SYT11: variants seen among roughly 807,000 people sequenced by gnomAD.
The protein encoded by SYT11 is synaptotagmin 11.
Under a neutral mutation model 30.4 loss-of-function variants are expected in SYT11, and 12 were observed. The ratio of observed to expected loss-of-function variants is 0.39; its 90% CI spans 0.25 to 0.64. The LOEUF is 0.64. SYT11 is among the 30% of genes least tolerant of loss of function. The probability of loss-of-function intolerance (pLI) is 0.45; values close to 1 mark genes in which losing one functional copy is unlikely to be tolerated. For missense variants in SYT11, 412 were observed against 552.0 expected, an observed-to-expected ratio of 0.75 and a Z score of 2.54; for synonymous variants, 204 against 216.0, an observed-to-expected ratio of 0.94 and a Z score of 0.49.
chr1:155,879,356 G>A (rs1388741652), intron 2 of SYT11, among the ~76,000 whole-genome samples: 1 of 152,144 alleles, frequency 6.6e-6, no homozygotes, highest in Non-Finnish European at 1.5e-5. Context: ...GGCAGAGGTT[G>A]CAGTGAGCCG....
chr1:155,874,096 A>T (rs1466813739), intron 2 of SYT11, among the ~76,000 whole-genome samples: 2 of 151,794 alleles, frequency 1.3e-5, no homozygotes, highest in African/African-American at 4.8e-5. Context: ...CACTCAGGAG[A>T]TCAAGACCAG....
At chr1:155,864,708 C>CTTTT (rs773089384) in intron 1 of SYT11, among the ~76,000 whole-genome samples, 34 of 128,274 alleles carry the variant, frequency 2.7e-4, no homozygotes, top group South Asian at 7.4e-4. Flanking sequence ...TGACTCAATC[C>CTTTT]TTTTTTTTTT....
intron 1 of SYT11, among the ~76,000 whole-genome samples, chr1:155,862,846 T>C (rs1416906437): frequency 1.3e-5 from 2 of 152,228 alleles, no homozygotes; most frequent in South Asian, 2.1e-4. Context: ...AAGCACCTGA[T>C]TGATGAATGG....
chr1:155,865,525 G>A (rs1366143284), intron 1 of SYT11, among the ~76,000 whole-genome samples: 1 of 152,012 alleles, frequency 6.6e-6, no homozygotes, highest in African/African-American at 2.4e-5. Context: ...CTACTCGGGA[G>A]GCTGAGGCAG....
chr1:155,863,866 A>C (rs1199354756), intron 1 of SYT11, among the ~76,000 whole-genome samples: 1 of 149,408 alleles, frequency 6.7e-6, no homozygotes, highest in Non-Finnish European at 1.5e-5. Flanking sequence ...GGTTGCAGTG[A>C]GCCGAGATCG....
At chr1:155,875,452 G>A (rs1361584272) in intron 2 of SYT11, among the ~76,000 whole-genome samples, 4 of 151,450 alleles carry the variant, frequency 2.6e-5, no homozygotes. Context: ...CGCCCAGGCT[G>A]GAGTGCAGTG....
At chr1:155,863,887 C>T (rs940174200) in intron 1 of SYT11, among the ~76,000 whole-genome samples, 6 of 151,160 alleles carry the variant, frequency 4.0e-5, no homozygotes, top group African/African-American at 1.5e-4. Context: ...CGCCATTGCA[C>T]TCAAGTCTGG....
chr1:155,868,479 G>T lies in SYT11; in HGVS notation c.549G>T (p.Gly183=). Residue 183 remains glycine, a synonymous_variant, in exon 2 of 4, where the codon GGG becomes GGT. Coordinates refer to ENST00000368324, the MANE Select transcript of SYT11 (RefSeq NM_152280.5). The surrounding 1 kb of genome is among the most constrained non-coding windows in gnomAD (Gnocchi z 4.7). ...TGGTGACAATCCAGGAGGCCCATGG[G>T]CTGCCAGTGATGGATGACCAGACCC... ...ALVVTIQEAH[G]LPVMDDQTQG... 1 of 1,614,100 alleles carries T rather than the reference G, an allele frequency of 6.2e-7. No individual in the cohort carries two copies. Among genetic ancestry groups the T allele is most frequent in the Non-Finnish European group, 8.5e-7 (1 of 1,180,008 alleles).
Position 155,874,150 on chromosome 1 carries a change from G to A in SYT11, c.861+5359G>A, listed in dbSNP as rs553612427. 2.8e-4 allele frequency among the ~76,000 whole-genome samples: 42 copies of A among 151,966 alleles called. 1 individual carries two copies. In the South Asian group the frequency reaches 8.1e-3, roughly 29 times the overall value. On this transcript the variant is annotated intron_variant, in intron 2 of 3. Transcript: ENST00000368324. ...AACCCCAGACATGGTGATTCACGCC[G>A]GTAATCCCAGCTACTCAGGAGGCTG...
In SYT11 at chr1:155,868,700, T is replaced by C; in HGVS notation, c.770T>C (p.Val257Ala). 2.5e-6 allele frequency: 4 copies of C among 1,614,200 alleles called. No individual in the cohort carries two copies. The highest frequency in any genetic ancestry group is 3.4e-6 in the Non-Finnish European group (4 of 1,180,038). ...LSFDRFSRDDVIGEVMVPLAG... is the reference protein window; with the variant it reads ...LSFDRFSRDDAIGEVMVPLAG... ...TTTGACCGCTTCTCTCGGGATGATG[T>C]CATTGGCGAGGTCATGGTGCCACTG... is the stretch of plus-strand genomic sequence containing the variant. Residue 257 changes from valine (V) to alanine (A), a missense_variant, in exon 2 of 4, where the codon GTC becomes GCC. Val to Ala is a moderately conservative substitution (Grantham distance 64, BLOSUM62 0). Coordinates refer to ENST00000368324, the MANE Select transcript of SYT11 (RefSeq NM_152280.5). This position sits in a 1 kb window ranked among gnomAD's most constrained non-coding sequence, Gnocchi z 4.7.
intron 2 of SYT11, among the ~76,000 whole-genome samples, chr1:155,871,868 G>C (rs1672785819): frequency 6.6e-6 from 1 of 152,104 alleles, no homozygotes; most frequent in African/African-American, 2.4e-5. Context: ...CATCCACTAG[G>C]TTCCCTAGAA....
Position 155,868,464 on chromosome 1 carries a change from C to T in SYT11, c.534C>T (p.Ile178=). 6.2e-7 allele frequency: 1 copy of T among 1,614,144 alleles called. No individual in the cohort carries two copies. The highest frequency in any genetic ancestry group is 8.5e-7 in the Non-Finnish European group (1 of 1,180,010). Reference sequence around the variant, plus strand: ...CGAAAAAAGCCCTGGTGGTGACAATCCAGGAGGCCCATGGGCTGCCAGTGA... The same window carrying T: ...CGAAAAAAGCCCTGGTGGTGACAATTCAGGAGGCCCATGGGCTGCCAGTGA... ...NFPKKALVVT[I]QEAHGLPVMD... is the part of the protein sequence containing the mutation. The change falls in exon 2 of 4, where the codon ATC becomes ATT. Residue 178 remains isoleucine (I), a synonymous_variant. Transcript: ENST00000368324. The surrounding 1 kb of genome is among the most constrained non-coding windows in gnomAD (Gnocchi z 4.7).
intron 2 of SYT11, among the ~76,000 whole-genome samples, chr1:155,877,710 C>T (rs1285303367): frequency 6.6e-6 from 1 of 151,966 alleles, no homozygotes; most frequent in Non-Finnish European, 1.5e-5. Context: ...CCAGTCACCA[C>T]GCCCGGCTAA....
chr1:155,868,913 T>C lies in SYT11; in HGVS notation c.861+122T>C. 1 of 953,220 alleles carries C rather than the reference T, an allele frequency of 1.0e-6. No homozygotes were observed. The highest frequency in any genetic ancestry group is 1.7e-5 in the South Asian group (1 of 59,238). 59.0% of individuals were successfully genotyped at this position (953,220 alleles called of 1,614,324 possible). A position where few individuals can be genotyped will look rare whatever the true frequency, so the allele number is the denominator to read the frequency against. ...AAGAAGGGCTGTAGAGAGGAAGCTC[T>C]TGGATGTCAAGGATAAGCAGTGGTC... On this transcript the variant is annotated intron_variant, in intron 2 of 3. Coordinates refer to ENST00000368324, the MANE Select transcript of SYT11 (RefSeq NM_152280.5). This position sits in a 1 kb window ranked among gnomAD's most constrained non-coding sequence, Gnocchi z 4.7.
chr1:155,862,472 A>G (rs1465071692), intron 1 of SYT11, among the ~76,000 whole-genome samples: 1 of 152,198 alleles, frequency 6.6e-6, no homozygotes, highest in Non-Finnish European at 1.5e-5. Flanking sequence ...GGCCAGGGGG[A>G]ACAACTAGAT....
At chr1:155,874,088 C>G (rs1157548205) in intron 2 of SYT11, among the ~76,000 whole-genome samples, 1 of 152,088 alleles carries the variant, frequency 6.6e-6, no homozygotes, top group Non-Finnish European at 1.5e-5. Context: ...ATGGCTTCCA[C>G]TCAGGAGATC....
chr1:155,865,709 G>A (rs984802573), intron 1 of SYT11, among the ~76,000 whole-genome samples: 2 of 149,814 alleles, frequency 1.3e-5, no homozygotes, highest in African/African-American at 4.9e-5. Flanking sequence ...TTTTTTCCTC[G>A]CTCTGTTGCC....
chr1:155,867,700 G>A (rs949889806), intron 1 of SYT11, among the ~76,000 whole-genome samples: 1 of 152,194 alleles, frequency 6.6e-6, no homozygotes, highest in Non-Finnish European at 1.5e-5. Flanking sequence ...CTGAGAGAAG[G>A]TCTAGGAAAG....
At chr1:155,881,166 C>T in intron 3 of SYT11, 32 bp from the exon 4 acceptor site, 2 of 1,591,386 alleles carry the variant, frequency 1.3e-6, no homozygotes, top group East Asian at 2.2e-5. Context: ...ATAGGTCTGT[C>T]TCCCTTTTTC....
Sources: gnomAD v4.1 joint callset for allele counts (sites outside exome capture counted in the v4.1 genomes callset) on GRCh38, gnomAD v4.1.1 for gene constraint, Gnocchi (gnomAD v3.1) non-coding constraint, MANE v1.5 for transcripts, NCBI Gene and HGNC (gene_info 2026-07-23, HGNC 2026-07-21) for gene names.